The following PLAAT1 variants were observed in gnomAD, a reference collection of about 807,000 sequenced individuals.
PLAAT1 encodes the protein phospholipase A and acyltransferase 1, also known as H-REV107 protein-related protein.
PLAAT1 carries 13 observed loss-of-function variants against 16.4 expected under a neutral mutation model. The ratio of observed to expected loss-of-function variants is 0.79; its 90% confidence interval spans 0.52 to 1.26. The LOEUF (loss-of-function observed/expected upper bound fraction) is 1.26, where lower values mean the gene tolerates loss of function less well. PLAAT1 is among the 50% of genes most tolerant of loss of function. PLAAT1 has a pLI of 0.00. For synonymous variants in PLAAT1, 73 were observed against 78.4 expected (o/e 0.93, Z 0.36); for missense variants, 218 against 207.8 (o/e 1.05, Z -0.30).
chr3:193,272,388 G>A (rs1478529583), downstream of PLAAT1, among the ~76,000 whole-genome samples: 1 of 152,116 alleles, frequency 6.6e-6, no homozygotes, highest in Non-Finnish European at 1.5e-5. Flanking sequence ...GTTGCAGTGA[G>A]CCGAGATCAC....
intron 1 of PLAAT1, among the ~76,000 whole-genome samples, chr3:193,255,444 C>G (rs780846223): frequency 2.0e-5 from 3 of 152,084 alleles, no homozygotes; most frequent in Non-Finnish European, 4.4e-5. Flanking sequence ...TTAAGTAATA[C>G]AAGACAAATT....
At chr3:193,244,581 A>G (rs1166608380) in intron 1 of PLAAT1, among the ~76,000 whole-genome samples, 1 of 151,798 alleles carries the variant, frequency 6.6e-6, no homozygotes, top group Non-Finnish European at 1.5e-5. Context: ...ATTTTCTGTT[A>G]TAACAGATTT....
At chr3:193,240,980 G>C (rs907417876), upstream of PLAAT1, 1 of 349,154 alleles carries the variant, frequency 2.9e-6, no homozygotes, top group African/African-American at 2.1e-5. Context: ...CGTTGGCTGC[G>C]GGAACGTCCG....
In PLAAT1 at chr3:193,254,056, T is replaced by C. The variant is rs564727474; in HGVS notation, c.1-1595T>C. Among the ~76,000 whole-genome samples the C allele has an allele frequency of 9.8e-5, 15 of 152,316 alleles. No individual in the cohort carries two copies. In the South Asian group the frequency reaches 3.1e-3, roughly 32 times the overall value. ...CACAGTGTATTATCTATTTTTCCTT[T>C]TAATACCCATGTGGCCAAATTACGA... is the stretch of plus-strand genomic sequence containing the variant. On this transcript the variant is annotated intron_variant, in intron 1 of 3. Transcript: ENST00000264735.
At chr3:193,246,562 A>C (rs769841702) in intron 1 of PLAAT1, among the ~76,000 whole-genome samples, 1 of 152,030 alleles carries the variant, frequency 6.6e-6, no homozygotes, top group Admixed American at 6.6e-5. Flanking sequence ...AGGTTTAGCC[A>C]TGTTTCCTAG....
At chr3:193,262,048 C>T (rs1450715432) in intron 2 of PLAAT1, among the ~76,000 whole-genome samples, 2 of 152,192 alleles carry the variant, frequency 1.3e-5, no homozygotes, top group Non-Finnish European at 2.9e-5. Flanking sequence ...GAGACTCTCT[C>T]TCATGATTGA....
At chr3:193,252,744 GGTTT>G (rs1349265746) in intron 1 of PLAAT1, among the ~76,000 whole-genome samples, 2 of 152,074 alleles carry the variant, frequency 1.3e-5, no homozygotes, top group South Asian at 4.1e-4. Context: ...TTTAGGTCAA[GGTTT>G]GTTTATTTGT....
intron 3 of PLAAT1, among the ~76,000 whole-genome samples, chr3:193,264,898 T>C (rs1716725745): frequency 6.6e-6 from 1 of 152,242 alleles, no homozygotes; most frequent in Non-Finnish European, 1.5e-5. Flanking sequence ...CTGGACTCTT[T>C]TTAGATACGT....
chr3:193,245,772 C>T (rs1027522334), intron 1 of PLAAT1, among the ~76,000 whole-genome samples: 1 of 152,154 alleles, frequency 6.6e-6, no homozygotes, highest in African/African-American at 2.4e-5. Flanking sequence ...ATTTGCATTT[C>T]CCTGATGATT....
chr3:193,262,088 G>A (rs1314390255), intron 2 of PLAAT1, among the ~76,000 whole-genome samples: 3 of 152,182 alleles, frequency 2.0e-5, no homozygotes, highest in Non-Finnish European at 4.4e-5. Flanking sequence ...AGCAGTTGTG[G>A]GCAGTTTGAC....
At position 193,241,381 on chromosome 3, in the gene PLAAT1, GGCTGGCGCCT is replaced by G; in HGVS notation, c.-150_-141del. On this transcript the variant is annotated 5_prime_UTR_variant, in exon 1 of 4. An upstream open reading frame in the 5' UTR gains an earlier in-frame stop. Transcript: ENST00000264735. ...GCCCTGGAGGACGGCCCCGAGTGAT[GGCTGGCGCCT>G]GCCTCCCGGGTGTCTCCCGGGTACA... 8.1e-7 allele frequency: 1 copy of G among 1,231,696 alleles called. No homozygotes were observed. Among genetic ancestry groups the G allele is most frequent in the Non-Finnish European group, 1.0e-6 (1 of 987,968 alleles). 76.3% of individuals were successfully genotyped at this position (1,231,696 alleles called of 1,614,324 possible). A position where few individuals can be genotyped will look rare whatever the true frequency, so the allele number is the denominator to read the frequency against.
chr3:193,267,581 A>T (rs1461636387), intron 3 of PLAAT1, among the ~76,000 whole-genome samples: 1 of 151,860 alleles, frequency 6.6e-6, no homozygotes, highest in Non-Finnish European at 1.5e-5. Flanking sequence ...CATTTCCTTG[A>T]TTTACCACAC....
At chr3:193,247,236 C>T (rs1460864203) in intron 1 of PLAAT1, among the ~76,000 whole-genome samples, 1 of 152,020 alleles carries the variant, frequency 6.6e-6, no homozygotes, top group Non-Finnish European at 1.5e-5. Context: ...GTAAAGGATC[C>T]CCAGAGAACC....
At chr3:193,273,020 A>G (rs1311769341), downstream of PLAAT1, among the ~76,000 whole-genome samples, 1 of 152,232 alleles carries the variant, frequency 6.6e-6, no homozygotes, top group Non-Finnish European at 1.5e-5. Context: ...ATCACATTCT[A>G]AGAATAAAAA....
chr3:193,242,742 G>A (rs1445255662), intron 1 of PLAAT1, among the ~76,000 whole-genome samples: 1 of 152,124 alleles, frequency 6.6e-6, no homozygotes, highest in Non-Finnish European at 1.5e-5. Context: ...TTGCAGCACT[G>A]AGAGTCTATG....
intron 1 of PLAAT1, among the ~76,000 whole-genome samples, chr3:193,242,843 C>G (rs1007087581): frequency 7.2e-5 from 11 of 152,154 alleles, no homozygotes; most frequent in East Asian, 1.9e-4. Context: ...GGGAAAAGGT[C>G]GAAACCTAAT....
intron 1 of PLAAT1, among the ~76,000 whole-genome samples, chr3:193,254,329 T>A (rs1716299810): frequency 6.6e-6 from 1 of 152,158 alleles, no homozygotes; most frequent in African/African-American, 2.4e-5. Flanking sequence ...TATTCCCAAG[T>A]CCTTAGTCTC....
intron 1 of PLAAT1, among the ~76,000 whole-genome samples, chr3:193,249,796 G>A (rs1338533683): frequency 1.3e-5 from 2 of 151,454 alleles, no homozygotes; most frequent in Non-Finnish European, 2.9e-5. Flanking sequence ...CTCCTTATTG[G>A]TTTTTTCATT....
At chr3:193,241,972 G>A (rs924937972) in intron 1 of PLAAT1, among the ~76,000 whole-genome samples, 1 of 152,136 alleles carries the variant, frequency 6.6e-6, no homozygotes, top group Non-Finnish European at 1.5e-5. Flanking sequence ...AGTTACTTGT[G>A]CGAGGCACTC....
Sources: gnomAD v4.1 joint callset for allele counts (sites outside exome capture counted in the v4.1 genomes callset) on GRCh38, gnomAD v4.1.1 for gene constraint, MANE v1.5 for transcripts, NCBI Gene and HGNC (gene_info 2026-07-23, HGNC 2026-07-21) for gene names.